LDB3: variants seen among roughly 807,000 people sequenced by gnomAD.
LDB3 encodes LIM domain-binding protein 3.
In LDB3, 49 loss-of-function variants were observed where a neutral mutation model predicts 69.0. That is an observed-to-expected ratio of 0.71 (90% confidence interval 0.56 to 0.90). LDB3 has a LOEUF of 0.90. LDB3 is among the 40% of genes least tolerant of loss of function. The pLI, the probability that LDB3 is intolerant of heterozygous loss-of-function variation, is 0.00. For missense variants in LDB3, 928 were observed against 974.1 expected, an observed-to-expected ratio of 0.95 and a Z score of 0.63; for synonymous variants, 387 against 396.2, an observed-to-expected ratio of 0.98 and a Z score of 0.28.
At chr10:86,693,149 G>T (rs1564644115) in intron 7 of LDB3, among the ~76,000 whole-genome samples, 1 of 152,144 alleles carries the variant, frequency 6.6e-6, no homozygotes, top group Non-Finnish European at 1.5e-5. Flanking sequence ...TTAGAGCATG[G>T]TTTCCCCATC....
At chr10:86,696,300 A>G (rs1002100272) in intron 7 of LDB3, among the ~76,000 whole-genome samples, 2 of 151,382 alleles carry the variant, frequency 1.3e-5, no homozygotes, top group African/African-American at 4.9e-5. Context: ...CTTGTAAGAA[A>G]GCAATGAAAA....
rs730880345 is a variant in LDB3, at chr10:86,681,638, A to AG, written c.529dup (p.Ala177GlyfsTer20). The AG allele has an allele frequency of 8.7e-6, 14 of 1,613,150 alleles. No individual in the cohort carries two copies. The highest frequency in any genetic ancestry group is 1.2e-5 in the Non-Finnish European group (14 of 1,179,818). On this transcript the variant is annotated frameshift_variant, in exon 5 of 14. Transcript: ENST00000361373. LOFTEE classifies it high-confidence loss of function. ...AGCCTGAGGGCCAAGACCAGCCCAG[A>AG]GGGGGCCCGGGACCTACTCGGCCCA... is the stretch of plus-strand genomic sequence containing the variant.
intron 5 of LDB3, among the ~76,000 whole-genome samples, chr10:86,682,691 G>A (rs1845230677): frequency 1.3e-5 from 2 of 152,214 alleles, no homozygotes; most frequent in Non-Finnish European, 2.9e-5. Context: ...CCGAATCATG[G>A]AGGAATCACA....
intron 5 of LDB3, among the ~76,000 whole-genome samples, chr10:86,690,150 C>A (rs2132409128): frequency 6.6e-6 from 1 of 152,344 alleles, no homozygotes; most frequent in East Asian, 1.9e-4. Flanking sequence ...CACCTGCTCT[C>A]TGGATTGCAA....
chr10:86,723,644 G>A (rs1847160324), intron 12 of LDB3, among the ~76,000 whole-genome samples: 1 of 152,182 alleles, frequency 6.6e-6, no homozygotes, highest in South Asian at 2.1e-4. Flanking sequence ...AGTTCTTGCA[G>A]AGCACAGAGT....
At chr10:86,668,870 T>C (rs112537212) in intron 2 of LDB3, 86 bp downstream of exon 2, 1 of 1,040,970 alleles carries the variant, frequency 9.6e-7, no homozygotes, top group Non-Finnish European at 1.5e-6. Flanking sequence ...TGTCTGTCCT[T>C]TCTGAGCCTC....
At chr10:86,711,581 G>C (rs1031223464) in intron 9 of LDB3, among the ~76,000 whole-genome samples, 19 of 151,928 alleles carry the variant, frequency 1.3e-4, no homozygotes, top group African/African-American at 4.3e-4. Flanking sequence ...CTTCCCTCCA[G>C]GCTCTTCGGA....
At chr10:86,668,281 G>T (rs527389523), upstream of LDB3, among the ~76,000 whole-genome samples, 8 of 152,196 alleles carry the variant, frequency 5.3e-5, 1 homozygote, top group African/African-American at 9.7e-5. Context: ...CTCTCCAGAG[G>T]ACACAGGAGC....
intron 9 of LDB3, among the ~76,000 whole-genome samples, chr10:86,711,316 C>T (rs933233844): frequency 6.6e-6 from 1 of 152,072 alleles, no homozygotes; most frequent in Non-Finnish European, 1.5e-5. Flanking sequence ...GCGTCTCCTT[C>T]CTCCTCCTTC....
chr10:86,689,377 C>T (rs1033448466), intron 5 of LDB3, among the ~76,000 whole-genome samples: 2 of 152,184 alleles, frequency 1.3e-5, no homozygotes, highest in Non-Finnish European at 1.5e-5. Flanking sequence ...GGTCAGCCCA[C>T]GTGCTCTGTC....
chr10:86,687,396 A>G, intron 5 of LDB3: 1 of 942,718 alleles, frequency 1.1e-6, no homozygotes. Context: ...TGGCCCTTGG[A>G]GGGGAGCCAG....
At chr10:86,715,223 C>T (rs543989839) in intron 9 of LDB3, among the ~76,000 whole-genome samples, 2 of 152,206 alleles carry the variant, frequency 1.3e-5, no homozygotes, top group African/African-American at 4.8e-5. Context: ...TCCATCCTGC[C>T]CATACTGAGC....
Position 86,716,399 on chromosome 10 carries a change from C to A in LDB3, c.1304C>A (p.Pro435His). The A allele has an allele frequency of 6.4e-7, 1 of 1,553,238 alleles. No homozygotes were observed. The highest frequency in any genetic ancestry group is 1.8e-5 in the Admixed American group (1 of 54,054). Residue 435 changes from proline to histidine, a missense_variant, in exon 10 of 14, where the codon CCT becomes CAT. By Grantham distance (77) the Pro-to-His change is moderately conservative. Coordinates refer to ENST00000361373, the MANE Select transcript of LDB3 (RefSeq NM_007078.3). ...SPTPYTPSPA[P>H]AYTPSPAPAY... ...ACTCCCTACACCCCCTCCCCTGCCC[C>A]TGCCTACACCCCCTCCCCTGCCCCT... is the stretch of plus-strand genomic sequence containing the variant.
intron 5 of LDB3, among the ~76,000 whole-genome samples, chr10:86,690,998 T>G (rs1164612250): frequency 6.6e-6 from 1 of 152,216 alleles, no homozygotes; most frequent in Non-Finnish European, 1.5e-5. Context: ...CCCAGGCCTC[T>G]GAGAAGGTGG....
In LDB3 at chr10:86,716,667, G is replaced by T. The variant is rs149423035; in HGVS notation, c.1572G>T (p.Ala524=). ...GGGGAGGCCCAGCCTACACCCCAGC[G>T]GGTCCTCAGGTGCCACCACTTGCCA... is the stretch of plus-strand genomic sequence containing the variant. The part of the protein sequence containing the change: ...LPRGGPAYTP[A]GPQVPPLARG... Residue 524 remains alanine (A), a synonymous_variant, in exon 10 of 14, where the codon GCG becomes GCT. Transcript: ENST00000361373. 1 of 1,613,946 alleles carries T rather than the reference G, an allele frequency of 6.2e-7. No homozygotes were observed. Among genetic ancestry groups the T allele is most frequent in the Admixed American group, 1.7e-5 (1 of 60,014 alleles).
chr10:86,697,549 C>CTTTTTTTTTTTTTT (rs71019409), intron 7 of LDB3, among the ~76,000 whole-genome samples: 81 of 83,936 alleles, frequency 9.7e-4, no homozygotes, highest in Non-Finnish European at 1.4e-3. Flanking sequence ...TTCTTTCTTT[C>CTTTTTTTTTTTTTT]TTTTTTTTTT....
intron 2 of LDB3, among the ~76,000 whole-genome samples, chr10:86,677,796 G>A (rs1281753298): frequency 2.0e-5 from 3 of 152,170 alleles, no homozygotes; most frequent in African/African-American, 7.2e-5. Context: ...GCTCATCCAG[G>A]CAGGGTTGTC....
chr10:86,676,495 G>A (rs897016605), intron 2 of LDB3, among the ~76,000 whole-genome samples: 7 of 151,568 alleles, frequency 4.6e-5, no homozygotes, highest in Non-Finnish European at 1.0e-4. Flanking sequence ...AACCCAGGAG[G>A]CGGAGGTTGC....
chr10:86,691,686 A>T (rs984628865), intron 5 of LDB3, among the ~76,000 whole-genome samples: 1 of 152,074 alleles, frequency 6.6e-6, no homozygotes, highest in African/African-American at 2.4e-5. Flanking sequence ...CCTGTCTCTC[A>T]TGAGGGAGGG....
Sources: gnomAD v4.1 joint callset for allele counts (sites outside exome capture counted in the v4.1 genomes callset) on GRCh38, gnomAD v4.1.1 for gene constraint, MANE v1.5 for transcripts, NCBI Gene and HGNC (gene_info 2026-07-23, HGNC 2026-07-21) for gene names.